The following PRDM7 variants were observed in gnomAD, a reference collection of about 807,000 sequenced individuals.
PRDM7 encodes histone-lysine N-methyltransferase PRDM7.
PRDM7 carries 52 observed loss-of-function variants against 64.3 expected under a neutral mutation model. The observed-to-expected ratio is 0.81, with a 90% CI of 0.65 to 1.02. The LOEUF is 1.02. Among genes scored for constraint, PRDM7 ranks in the 50% least tolerant of loss-of-function variants. The probability of loss-of-function intolerance (pLI) is 0.00; values close to 1 mark genes in which losing one functional copy is unlikely to be tolerated. For missense variants in PRDM7, 574 were observed against 597.1 expected (o/e 0.96, Z 0.40); for synonymous variants, 192 against 210.1 (o/e 0.91, Z 0.74).
At chr16:90,064,601 A>T (rs1458808031) in intron 5 of PRDM7, among the ~76,000 whole-genome samples, 1 of 151,014 alleles carries the variant, frequency 6.6e-6, no homozygotes, top group African/African-American at 2.5e-5. Context: ...TTTATTAGAG[A>T]CGGGGTTTCG....
chr16:90,062,525 G>T, intron 6 of PRDM7, 23 bp from the exon 7 acceptor site: 2 of 1,572,654 alleles, frequency 1.3e-6, no homozygotes. Flanking sequence ...AGAGTAGATG[G>T]GTAAAATTGG....
intron 6 of PRDM7, 56 bp downstream of exon 6, chr16:90,063,552 TACTC>T: frequency 6.3e-7 from 1 of 1,587,668 alleles, no homozygotes; most frequent in Non-Finnish European, 8.6e-7. Flanking sequence ...AGGTAGACCA[TACTC>T]ACCAACCTTT....
intron 4 of PRDM7, among the ~76,000 whole-genome samples, chr16:90,073,680 G>T (rs538512593): frequency 1.2e-4 from 18 of 151,540 alleles, no homozygotes; most frequent in Middle Eastern, 3.5e-3. Flanking sequence ...ATTACATTGT[G>T]CTTGTTTGTT....
intron 4 of PRDM7, among the ~76,000 whole-genome samples, chr16:90,074,575 T>TA (rs1264541932): frequency 1.3e-5 from 2 of 151,172 alleles, no homozygotes; most frequent in African/African-American, 4.9e-5. Context: ...GACTCTGTCT[T>TA]AAAAAAAATA....
rs759612785 is a variant in PRDM7 at position 90,075,467 on chromosome 16, T to C, written c.77A>G (p.Asp26Gly). ...GTATATGGAAATGTCTTTGAAGGCA[T>C]CTTTGACCTAGAGGAAGTAACAGAT... ...ERTERKPMVK[D>G]AFKDISIYFT... is the part of the protein sequence containing the mutation. The change falls in exon 3 of 11, where the codon GAT becomes GGT. Residue 26 changes from aspartate (D) to glycine (G), a missense_variant. Asp to Gly is a moderately conservative substitution (Grantham distance 94). Coordinates refer to ENST00000449207, the MANE Select transcript of PRDM7 (RefSeq NM_001098173.2). This position sits in a 1 kb window ranked among gnomAD's most constrained non-coding sequence, Gnocchi z 4.3. The C allele has an allele frequency of 7.4e-6, 12 of 1,614,200 alleles. No individual in the cohort carries two copies. The highest frequency in any genetic ancestry group is 8.5e-6 in the Non-Finnish European group (10 of 1,180,032).
chr16:90,064,500 A>G (rs1318317346), intron 5 of PRDM7, among the ~76,000 whole-genome samples: 1 of 151,860 alleles, frequency 6.6e-6, no homozygotes, highest in Non-Finnish European at 1.5e-5. Flanking sequence ...TGCAGCCTTC[A>G]CCTCCCAGGT....
chr16:90,073,402 A>T (rs77772361), intron 4 of PRDM7, among the ~76,000 whole-genome samples: 14 of 141,740 alleles, frequency 9.9e-5, no homozygotes, highest in African/African-American at 2.8e-4. Context: ...AAGAATGACA[A>T]TTTTTTTTTT....
intron 4 of PRDM7, chr16:90,069,930 C>T (rs1467655870): frequency 1.3e-5 from 2 of 156,942 alleles, no homozygotes; most frequent in African/African-American, 5.0e-5. Flanking sequence ...TGGTGTGTGC[C>T]TGTAATCCCA....
At chr16:90,076,852 T>G (rs2038043968) in intron 1 of PRDM7, among the ~76,000 whole-genome samples, 1 of 152,058 alleles carries the variant, frequency 6.6e-6, no homozygotes, top group Non-Finnish European at 1.5e-5. Context: ...GGTTATTTGG[T>G]CCTTGAAGCT....
Position 90,061,462 on chromosome 16 carries a change from T to C in PRDM7, c.940A>G (p.Asn314Asp). 4 of 1,601,744 alleles carry C rather than the reference T, an allele frequency of 2.5e-6. No homozygotes were observed. Among genetic ancestry groups the C allele is most frequent in the Non-Finnish European group, 3.4e-6 (4 of 1,168,710 alleles). The change falls in exon 9 of 11, where the codon AAC becomes GAC. Residue 314 changes from asparagine to aspartate, a missense_variant. Transcript: ENST00000449207. The stretch of plus-strand genomic sequence containing the variant: ...ACCTAGTGGCCTTACCTCATCCAGT[T>C]GGCCGAGGATTTATCTTTTCCATCC... ...YVDGKDKSSA[N>D]WMRYVNCARD...
chr16:90,063,864 A>C (rs1424600426), intron 5 of PRDM7, 96 bp from the exon 6 acceptor site: 1 of 1,441,852 alleles, frequency 6.9e-7, no homozygotes, highest in Non-Finnish European at 9.5e-7. Flanking sequence ...TTAATGTTCA[A>C]ACCTTGGAAA....
Position 90,058,409 on chromosome 16 carries a change from G to C in PRDM7, c.1359C>G (p.Asn453Lys), listed in dbSNP as rs746509766. The change falls in exon 11 of 11, where the codon AAC becomes AAG. Residue 453 changes from asparagine to lysine, a missense_variant. By Grantham distance (94) the Asn-to-Lys change is moderately conservative. Transcript: ENST00000449207. Reference protein sequence around the residue: ...LRTSQDHLQENFSNQRIPAQG... With the variant: ...LRTSQDHLQEKFSNQRIPAQG... ...GGGCAGGGATTCTCTGGTTGGAGAA[G>C]TTTTCTTGCAGATGGTCCTGGGAAG... 1.9e-6 allele frequency: 3 copies of C among 1,614,060 alleles called. No individual in the cohort carries two copies. The East Asian group carries it at 6.7e-5, about 36-fold the overall frequency.
At chr16:90,070,382 C>T (rs1167158140) in intron 4 of PRDM7, among the ~76,000 whole-genome samples, 1 of 150,914 alleles carries the variant, frequency 6.6e-6, no homozygotes, top group Non-Finnish European at 1.5e-5. Context: ...CACTTGAGGC[C>T]AGGAGTTTGA....
chr16:90,063,563 C>T (rs2037818751), intron 6 of PRDM7, 49 bp downstream of exon 6: 1 of 1,601,454 alleles, frequency 6.2e-7, no homozygotes, highest in Non-Finnish European at 8.5e-7. Flanking sequence ...ACTCACCAAC[C>T]TTTCTAGAGG....
Position 90,075,740 on chromosome 16 carries a change from G to C in PRDM7, c.69+102C>G, listed in dbSNP as rs2038027218. ...CCAGGACCAGCTGCCCCCATTCCAT[G>C]CACATTCAGACAGAGTCACCCAAGG... On this transcript the variant is annotated intron_variant, in intron 2 of 10. Coordinates refer to ENST00000449207, the MANE Select transcript of PRDM7 (RefSeq NM_001098173.2). The surrounding 1 kb of genome is among the most constrained non-coding windows in gnomAD (Gnocchi z 4.3). 6.9e-7 allele frequency: 1 copy of C among 1,450,150 alleles called. No individual in the cohort carries two copies. The highest frequency in any genetic ancestry group is 1.4e-5 in the African/African-American group (1 of 70,928). 89.8% of individuals were successfully genotyped at this position (1,450,150 alleles called of 1,614,324 possible). A position where few individuals can be genotyped will look rare whatever the true frequency, so the allele number is the denominator to read the frequency against.
chr16:90,067,195 A>C (rs1174857472), intron 4 of PRDM7, among the ~76,000 whole-genome samples: 1 of 151,040 alleles, frequency 6.6e-6, no homozygotes, highest in African/African-American at 2.5e-5. Flanking sequence ...CGAACTCCTG[A>C]CCTTAGGTGA....
intron 4 of PRDM7, among the ~76,000 whole-genome samples, chr16:90,068,383 C>T (rs2037908546): frequency 6.6e-6 from 1 of 151,116 alleles, no homozygotes; most frequent in Admixed American, 6.6e-5. Context: ...AGCCTATAAT[C>T]CCAGCACTTT....
chr16:90,063,840 T>A, intron 5 of PRDM7, 72 bp from the exon 6 acceptor site: 3 of 1,545,918 alleles, frequency 1.9e-6, no homozygotes, highest in Non-Finnish European at 2.7e-6. Flanking sequence ...CAACATGTTT[T>A]CATATGACTG....
At chr16:90,074,274 A>G (rs1459852153) in intron 4 of PRDM7, among the ~76,000 whole-genome samples, 1 of 111,866 alleles carries the variant, frequency 8.9e-6, no homozygotes, top group Non-Finnish European at 1.9e-5. Flanking sequence ...AATAGTAACA[A>G]TCATCATCGT....
Sources: gnomAD v4.1 joint callset for allele counts (sites outside exome capture counted in the v4.1 genomes callset) on GRCh38, gnomAD v4.1.1 for gene constraint, Gnocchi (gnomAD v3.1) non-coding constraint, MANE v1.5 for transcripts, NCBI Gene and HGNC (gene_info 2026-07-23, HGNC 2026-07-21) for gene names.